Variants in NOL4 observed in about 807,000 individuals in gnomAD.
The protein encoded by NOL4 is nucleolar protein 4.
A neutral mutation model predicts 75.9 loss-of-function variants in NOL4; 17 were observed. The ratio of observed to expected loss-of-function variants is 0.22; its 90% CI spans 0.15 to 0.34. The LOEUF (loss-of-function observed/expected upper bound fraction) is 0.34, where lower values mean the gene tolerates loss of function less well. NOL4 is among the 10% of genes least tolerant of loss of function. The pLI, the probability that NOL4 is intolerant of heterozygous loss-of-function variation, is 1.00. For missense variants in NOL4, 614 were observed against 793.5 expected (o/e 0.77, Z 2.72); for synonymous variants, 292 against 289.9 (o/e 1.01, Z -0.07).
At chr18:33,972,347 A>G (rs1053264658) in intron 6 of NOL4, among the ~76,000 whole-genome samples, 2 of 152,158 alleles carry the variant, frequency 1.3e-5, no homozygotes, top group Admixed American at 1.3e-4. Flanking sequence ...AAAGATGACC[A>G]AGAAACATAT....
intron 1 of NOL4, among the ~76,000 whole-genome samples, chr18:34,166,562 A>T (rs999151890): frequency 6.6e-6 from 1 of 152,158 alleles, no homozygotes; most frequent in Non-Finnish European, 1.5e-5. Flanking sequence ...CATAAATGCA[A>T]TCATGTCACT....
At chr18:33,877,147 T>C (rs2063975070) in intron 10 of NOL4, among the ~76,000 whole-genome samples, 1 of 152,020 alleles carries the variant, frequency 6.6e-6, no homozygotes, top group African/African-American at 2.4e-5. Context: ...TTTTGTTTCA[T>C]TTGAAGTGTA....
intron 5 of NOL4, among the ~76,000 whole-genome samples, chr18:34,021,958 G>A (rs1600281711): frequency 2.0e-5 from 3 of 151,762 alleles, no homozygotes; most frequent in South Asian, 2.1e-4. Context: ...ACAAAAATTC[G>A]CCGGGCATGG....
intron 2 of NOL4, among the ~76,000 whole-genome samples, chr18:34,112,918 G>A (rs534162512): frequency 5.9e-5 from 9 of 152,192 alleles, no homozygotes; most frequent in South Asian, 4.1e-4. Context: ...GCTTGATTGC[G>A]GTAATAATTT....
chr18:34,008,660 G>T (rs140248894), intron 6 of NOL4, among the ~76,000 whole-genome samples: 240 of 151,872 alleles, frequency 1.6e-3, no homozygotes, highest in African/African-American at 5.4e-3. Flanking sequence ...TTACCAGCCC[G>T]CCATGATGCA....
chr18:34,015,147 G>A (rs2074609310), intron 6 of NOL4, among the ~76,000 whole-genome samples: 1 of 151,924 alleles, frequency 6.6e-6, no homozygotes, highest in African/African-American at 2.4e-5. Context: ...ATAGCCTTGG[G>A]GTAAAGCAAG....
At chr18:34,059,839 G>C (rs2076998020) in intron 5 of NOL4, among the ~76,000 whole-genome samples, 1 of 152,092 alleles carries the variant, frequency 6.6e-6, no homozygotes, top group African/African-American at 2.4e-5. Flanking sequence ...TGTAGGGAGA[G>C]GTCGCATGAA....
chr18:33,981,648 G>T (rs1157734460), intron 6 of NOL4, among the ~76,000 whole-genome samples: 1 of 152,102 alleles, frequency 6.6e-6, no homozygotes, highest in Non-Finnish European at 1.5e-5. Context: ...ATAAGAGAAT[G>T]TGTTACCAGG....
At chr18:34,188,576 C>A (rs1568432690) in intron 1 of NOL4, among the ~76,000 whole-genome samples, 1 of 152,142 alleles carries the variant, frequency 6.6e-6, no homozygotes, top group Non-Finnish European at 1.5e-5. Context: ...TTGTCTGATA[C>A]AATCCTATTT....
At chr18:33,989,879 T>C (rs535678898) in intron 6 of NOL4, among the ~76,000 whole-genome samples, 3 of 152,224 alleles carry the variant, frequency 2.0e-5, no homozygotes, top group African/African-American at 7.2e-5. Context: ...TTAAACAACG[T>C]ATAACTCCTT....
chr18:34,156,662 C>T (rs951595714), intron 1 of NOL4: 2 of 152,414 alleles, frequency 1.3e-5, no homozygotes, highest in Non-Finnish European at 2.9e-5. Flanking sequence ...ACTCGTCTCC[C>T]TCTCTACTTC....
chr18:33,851,432 A>C lies in NOL4; in HGVS notation c.*1410T>G, dbSNP rs908823043. 3.3e-5 allele frequency: 5 copies of C among 152,508 alleles called. No homozygotes were observed. The highest frequency in any genetic ancestry group is 7.4e-5 in the Non-Finnish European group (5 of 68,014). 9.4% of individuals were successfully genotyped at this position (152,508 alleles called of 1,614,324 possible). A position where few individuals can be genotyped will look rare whatever the true frequency, so the allele number is the denominator to read the frequency against. On this transcript the variant is annotated 3_prime_UTR_variant, in exon 11 of 11. Transcript: ENST00000261592. ...CGGTCACAATCACAGTCATTACTTG[A>C]AAAACTATATGTAACAAGTAGATAA...
intron 1 of NOL4, among the ~76,000 whole-genome samples, chr18:34,192,311 C>T (rs2034978191): frequency 6.6e-6 from 1 of 152,130 alleles, no homozygotes; most frequent in Non-Finnish European, 1.5e-5. Context: ...ACAGATTCAA[C>T]ATAATCCTTA....
At chr18:34,094,706 C>T (rs575234156) in intron 4 of NOL4, among the ~76,000 whole-genome samples, 31 of 152,246 alleles carry the variant, frequency 2.0e-4, no homozygotes, top group Non-Finnish European at 4.0e-4. Context: ...TTGATCTGAA[C>T]GTTTAACACG....
At chr18:34,112,417 G>C (rs2079638229) in intron 2 of NOL4, among the ~76,000 whole-genome samples, 1 of 151,712 alleles carries the variant, frequency 6.6e-6, no homozygotes, top group Admixed American at 6.6e-5. Context: ...CTGATGAATG[G>C]ATAAAGAAAA....
chr18:34,088,699 A>C lies in NOL4; in HGVS notation c.772+4766T>G, dbSNP rs1235655828. Reference sequence around the variant, plus strand: ...CTTTAAATGATTTTAACTTAAAAACATTCTTTTAAGTCTGTAAAAAAAAAT... The same window carrying C: ...CTTTAAATGATTTTAACTTAAAAACCTTCTTTTAAGTCTGTAAAAAAAAAT... On this transcript the variant is annotated intron_variant, in intron 5 of 10. Transcript: ENST00000261592. Among the ~76,000 whole-genome samples the C allele has an allele frequency of 2.0e-5, 3 of 152,138 alleles. No individual in the cohort carries two copies. The East Asian group carries it at 5.8e-4, about 29-fold the overall frequency.
At chr18:34,196,942 T>A (rs1335520704) in intron 1 of NOL4, among the ~76,000 whole-genome samples, 1 of 148,886 alleles carries the variant, frequency 6.7e-6, no homozygotes, top group Non-Finnish European at 1.5e-5. Context: ...AATACATTCC[T>A]GTTGATTTTG....
chr18:34,217,451 ATT>A (rs1304352830), intron 1 of NOL4, among the ~76,000 whole-genome samples: 1 of 150,790 alleles, frequency 6.6e-6, no homozygotes, highest in Non-Finnish European at 1.5e-5. Flanking sequence ...CACCCAGCTA[ATT>A]TTTTTTGTAT....
Position 34,020,161 on chromosome 18 carries a change from A to C in NOL4, c.773-560T>G, listed in dbSNP as rs1428397129. ...TTTTCTTTATAAATTACCCAGTCTCAGGTATTCCTTTATAGCAACGCAAAT... is the reference window on the plus strand; with the variant it reads ...TTTTCTTTATAAATTACCCAGTCTCCGGTATTCCTTTATAGCAACGCAAAT... On this transcript the variant is annotated intron_variant, in intron 5 of 10. Transcript: ENST00000261592. Among the ~76,000 whole-genome samples, 6 of 152,106 alleles carry C rather than the reference A, an allele frequency of 3.9e-5. No homozygotes were observed. The East Asian group carries it at 9.6e-4, about 24-fold the overall frequency.
Sources: allele counts gnomAD v4.1 joint callset (sites outside exome capture counted in the v4.1 genomes callset), GRCh38; gene constraint gnomAD v4.1.1; transcripts MANE v1.5; gene names NCBI Gene and HGNC (gene_info 2026-07-23, HGNC 2026-07-21).